Variants in EPX observed in about 807,000 individuals in gnomAD.
EPX encodes the protein eosinophil peroxidase.
A neutral mutation model predicts 73.0 loss-of-function variants in EPX; 60 were observed. The observed-to-expected ratio is 0.82, with a 90% CI of 0.67 to 1.02. EPX has a LOEUF of 1.02. Among genes scored for constraint, EPX ranks in the 50% least tolerant of loss-of-function variants. The probability of loss-of-function intolerance (pLI) is 0.00; values close to 1 mark genes in which losing one functional copy is unlikely to be tolerated. For synonymous variants in EPX, 347 were observed against 389.2 expected, an observed-to-expected ratio of 0.89 and a Z score of 1.28; for missense variants, 950 against 973.9, an observed-to-expected ratio of 0.98 and a Z score of 0.33.
At position 58,193,077 on chromosome 17, in the gene EPX, G is replaced by A. The variant is rs139322566; in HGVS notation, c.116G>A (p.Cys39Tyr). The change falls in exon 2 of 13, where the codon TGC becomes TAC. Residue 39 changes from cysteine to tyrosine, a missense_variant. Physicochemically the swap from Cys to Tyr is radical, Grantham distance 194. Coordinates refer to ENST00000225371, the MANE Select transcript of EPX (RefSeq NM_000502.6). ...GAVETSVLRD[C>Y]IAEAKLLVDA... ...GTGGAGACCTCGGTCCTGCGAGACTGCATAGCAGAGGCCAAGTTGCTGGTG... is the reference window on the plus strand; with the variant it reads ...GTGGAGACCTCGGTCCTGCGAGACTACATAGCAGAGGCCAAGTTGCTGGTG... 5.1e-4 allele frequency: 825 copies of A among 1,612,604 alleles called. 17 individuals carry two copies. The East Asian group carries it at 0.012, about 23-fold the overall frequency.
rs547843762 is a variant in EPX, at chr17:58,192,728, A to G, written c.-119A>G. On this transcript the variant is annotated 5_prime_UTR_variant, in exon 1 of 13. Coordinates refer to ENST00000225371, the MANE Select transcript of EPX (RefSeq NM_000502.6). ...GTCCCTTCCCAGCTACGTCCAGAGA[A>G]GAGCTGGAGGAAGTGAGAGGTCGGC... 4 of 853,510 alleles carry G rather than the reference A, an allele frequency of 4.7e-6. No homozygotes were observed. The highest frequency in any genetic ancestry group is 7.7e-6 in the Non-Finnish European group (4 of 518,966). 52.9% of individuals were successfully genotyped at this position (853,510 alleles called of 1,614,324 possible).
Position 58,204,325 on chromosome 17 carries a change from G to A in EPX, c.2050G>A (p.Val684Ile). ...IICDNTGITTVSRDIFRANIY... is the reference protein window; with the variant it reads ...IICDNTGITTISRDIFRANIY... The stretch of plus-strand genomic sequence containing the variant: ...ATGTGACAATACCGGTATCACCACG[G>A]TTTCAAGGGACATCTTCAGAGCCAA... The change falls in exon 12 of 13, where the codon GTT (valine) becomes ATT (isoleucine). Residue 684 changes from valine (V) to isoleucine (I), a missense_variant. Val to Ile is a conservative substitution (Grantham distance 29). Transcript: ENST00000225371. The A allele has an allele frequency of 6.2e-7, 1 of 1,613,766 alleles. No individual in the cohort carries two copies. Among genetic ancestry groups the A allele is most frequent in the Non-Finnish European group, 8.5e-7 (1 of 1,179,684 alleles).
chr17:58,195,197 GC>G, intron 6 of EPX, 27 bp downstream of exon 6: 2 of 1,580,024 alleles, frequency 1.3e-6, no homozygotes, highest in Non-Finnish European at 1.7e-6. Flanking sequence ...AATCTCCCAT[GC>G]CCTTGTGTGG....
Position 58,194,055 on chromosome 17 carries a change from C to A in EPX, c.557C>A (p.Thr186Asn). ...EDGLSLPFGW[T>N]PSRRRNGFLL... ...GGGCTGTCGCTCCCCTTCGGCTGGACCCCCAGCAGGAGGCGCAATGGCTTC... is the reference window on the plus strand; with the variant it reads ...GGGCTGTCGCTCCCCTTCGGCTGGAACCCCAGCAGGAGGCGCAATGGCTTC... Residue 186 changes from threonine to asparagine, a missense_variant, in exon 5 of 13, where the codon ACC (threonine) becomes AAC (asparagine). Coordinates refer to ENST00000225371, the MANE Select transcript of EPX (RefSeq NM_000502.6). 6.2e-7 allele frequency: 1 copy of A among 1,613,376 alleles called. No homozygotes were observed. Among genetic ancestry groups the A allele is most frequent in the Non-Finnish European group, 8.5e-7 (1 of 1,179,914 alleles).
Position 58,204,272 on chromosome 17 carries a change from T to C in EPX, c.1997T>C (p.Leu666Pro). ...GVFTKRQRKA[L>P]SRISLSRIIC... ...TTCACCAAAAGACAGCGCAAGGCCC[T>C]GAGCAGAATTTCCTTGTCTCGAATT... Residue 666 changes from leucine (L) to proline (P), a missense_variant, in exon 12 of 13, where the codon CTG (leucine) becomes CCG (proline). Coordinates refer to ENST00000225371, the MANE Select transcript of EPX (RefSeq NM_000502.6). 1 of 1,614,180 alleles carries C rather than the reference T, an allele frequency of 6.2e-7. No individual in the cohort carries two copies. Among genetic ancestry groups the C allele is most frequent in the Non-Finnish European group, 8.5e-7 (1 of 1,179,992 alleles).
chr17:58,202,966 C>T, intron 10 of EPX, 115 bp from the exon 11 acceptor site: 2 of 779,592 alleles, frequency 2.6e-6, no homozygotes, highest in Non-Finnish European at 4.5e-6. Context: ...GCAGGATCTT[C>T]TGGTTCTGCC....
chr17:58,199,373 G>C (rs1308856058), intron 8 of EPX, among the ~76,000 whole-genome samples, 166 bp from the exon 9 acceptor site: 1 of 152,230 alleles, frequency 6.6e-6, no homozygotes, highest in African/African-American at 2.4e-5. Context: ...GACCCTGTCT[G>C]TGTCACTCAC....
intron 10 of EPX, 37 bp downstream of exon 10, chr17:58,200,432 C>G: frequency 6.2e-7 from 1 of 1,605,136 alleles, no homozygotes. Flanking sequence ...CAGCTTTGCT[C>G]GGGCCAGGCT....
chr17:58,203,400 A>T, intron 11 of EPX, 82 bp downstream of exon 11: 1 of 929,992 alleles, frequency 1.1e-6, no homozygotes, highest in Non-Finnish European at 1.8e-6. Context: ...ACATTGAAGA[A>T]CACTGCTCTT....
At chr17:58,201,276 C>T (rs952478311) in intron 10 of EPX, among the ~76,000 whole-genome samples, 3 of 152,210 alleles carry the variant, frequency 2.0e-5, no homozygotes, top group Non-Finnish European at 2.9e-5. Context: ...GCAGGCACTC[C>T]GGAAACCTGA....
At position 58,193,032 on chromosome 17, in the gene EPX, G is replaced by A; in HGVS notation, c.77-6G>A. 1 of 1,610,200 alleles carries A rather than the reference G, an allele frequency of 6.2e-7. No homozygotes were observed. The highest frequency in any genetic ancestry group is 8.5e-7 in the Non-Finnish European group (1 of 1,176,388). ...CTGAACCCTGAGTCCCCATCTCTTT[G>A]AACAGCCTCCCCTGGGGCAGTGGAG... is the stretch of plus-strand genomic sequence containing the variant. On this transcript the variant is annotated splice_polypyrimidine_tract_variant and splice_region_variant and intron_variant, in intron 1 of 12. Transcript: ENST00000225371.
chr17:58,198,901 C>T, intron 7 of EPX, 139 bp from the exon 8 acceptor site: 4 of 870,384 alleles, frequency 4.6e-6, no homozygotes, highest in Non-Finnish European at 7.6e-6. Flanking sequence ...AGCCTCAGCA[C>T]AGCTGAAGAG....
At chr17:58,195,338 G>T (rs1026877493) in intron 6 of EPX, among the ~76,000 whole-genome samples, 168 bp downstream of exon 6, 1 of 152,200 alleles carries the variant, frequency 6.6e-6, no homozygotes, top group Non-Finnish European at 1.5e-5. Context: ...ACCCCGCGCC[G>T]TGTGTGTTTG....
intron 7 of EPX, among the ~76,000 whole-genome samples, chr17:58,197,906 G>A (rs1202563030): frequency 1.3e-5 from 2 of 152,170 alleles, no homozygotes; most frequent in Non-Finnish European, 2.9e-5. Context: ...CGTGATCTCA[G>A]CTCACTGCCA....
intron 8 of EPX, 45 bp from the exon 9 acceptor site, chr17:58,199,494 G>T: frequency 6.2e-7 from 1 of 1,610,498 alleles, no homozygotes; most frequent in South Asian, 1.1e-5. Context: ...GCAAGGGTAT[G>T]GGTGAGTAGC....
At chr17:58,198,733 T>C (rs1450530885) in intron 7 of EPX, among the ~76,000 whole-genome samples, 1 of 152,222 alleles carries the variant, frequency 6.6e-6, no homozygotes, top group Non-Finnish European at 1.5e-5. Context: ...GTCCAGGCTA[T>C]GGATCTGGTT....
In EPX at chr17:58,199,855, T is replaced by C. The variant is rs1226323022; in HGVS notation, c.1537+61T>C. The C allele has an allele frequency of 1.9e-6, 3 of 1,561,484 alleles. No individual in the cohort carries two copies. In the African/African-American group the frequency reaches 4.1e-5, roughly 21 times the overall value. ...GGTGGGGAGCATGCCCTCCCCTAGGTGGGCCAAGCTTACTGCCAGGAAGCC... is the reference window on the plus strand; with the variant it reads ...GGTGGGGAGCATGCCCTCCCCTAGGCGGGCCAAGCTTACTGCCAGGAAGCC... On this transcript the variant is annotated intron_variant, in intron 9 of 12. Coordinates refer to ENST00000225371, the MANE Select transcript of EPX (RefSeq NM_000502.6).
Position 58,203,146 on chromosome 17 carries a change from G to A in EPX, c.1774G>A (p.Val592Met). The part of the protein sequence containing the change: ...QPRNLAQLSR[V>M]LKNQDLARKF... ...CCGGAATTTGGCACAGCTTAGCCGG[G>A]TGCTGAAAAACCAGGACTTGGCAAG... is the stretch of plus-strand genomic sequence containing the variant. The change falls in exon 11 of 13, where the codon GTG (valine) becomes ATG (methionine). Residue 592 changes from valine (V) to methionine (M), a missense_variant. By Grantham distance (21) the Val-to-Met change is conservative (BLOSUM62 1). Transcript: ENST00000225371. 1 of 1,614,214 alleles carries A rather than the reference G, an allele frequency of 6.2e-7. No individual in the cohort carries two copies. The highest frequency in any genetic ancestry group is 8.5e-7 in the Non-Finnish European group (1 of 1,180,046).
chr17:58,204,072 G>A (rs1968390658), intron 11 of EPX, 150 bp from the exon 12 acceptor site: 3 of 671,688 alleles, frequency 4.5e-6, no homozygotes, highest in Non-Finnish European at 8.1e-6. Flanking sequence ...TTTGGCCACT[G>A]AATTTGTTTC....
Sources: allele counts gnomAD v4.1 joint callset (sites outside exome capture counted in the v4.1 genomes callset), GRCh38; gene constraint gnomAD v4.1.1; transcripts MANE v1.5; gene names NCBI Gene and HGNC (gene_info 2026-07-23, HGNC 2026-07-21).